NRP2: variants seen among roughly 807,000 people sequenced by gnomAD.
NRP2 encodes the protein neuropilin 2.
In NRP2, 52 loss-of-function variants were observed where a neutral mutation model predicts 110.4. The ratio of observed to expected loss-of-function variants is 0.47; its 90% CI spans 0.38 to 0.59. The LOEUF is 0.59. NRP2 is among the 20% of genes least tolerant of loss of function. The probability of loss-of-function intolerance (pLI) is 0.00; values close to 1 mark genes in which losing one functional copy is unlikely to be tolerated. For missense variants in NRP2, 1,049 were observed against 1,203.0 expected (o/e 0.87, Z 1.89); for synonymous variants, 508 against 468.9 (o/e 1.08, Z -1.08).
At chr2:205,689,306 T>A (rs544998925) in intron 1 of NRP2, among the ~76,000 whole-genome samples, 1 of 152,340 alleles carries the variant, frequency 6.6e-6, no homozygotes, top group Admixed American at 6.5e-5. Flanking sequence ...TGTGATCAGA[T>A]ACTTAGTCTA....
Position 205,727,982 on chromosome 2 carries a change from A to G in NRP2, c.1082A>G (p.Tyr361Cys). 1 of 1,614,178 alleles carries G rather than the reference A, an allele frequency of 6.2e-7. No homozygotes were observed. Among genetic ancestry groups the G allele is most frequent in the Non-Finnish European group, 8.5e-7 (1 of 1,180,028 alleles). The change falls in exon 7 of 17, where the codon TAC (tyrosine) becomes TGC (cysteine). Residue 361 changes from tyrosine (Y) to cysteine (C), a missense_variant. Coordinates refer to ENST00000357785, the MANE Select transcript of NRP2 (RefSeq NM_003872.3). ...CAGAATGGCTACTATGTCAAATCCT[A>G]CAAGCTGGAAGTCAGCACTAATGGA... ...ETQNGYYVKSYKLEVSTNGED... is the reference protein window; with the variant it reads ...ETQNGYYVKSCKLEVSTNGED...
chr2:205,782,909 G>T (rs1349864105), intron 15 of NRP2, among the ~76,000 whole-genome samples: 1 of 150,728 alleles, frequency 6.6e-6, no homozygotes, highest in Non-Finnish European at 1.5e-5. Context: ...CCTTGAAATT[G>T]CTTCTTTGGG....
At chr2:205,776,492 T>C (rs772301275) in intron 15 of NRP2, 2 of 1,609,768 alleles carry the variant, frequency 1.2e-6, no homozygotes, top group Admixed American at 3.3e-5. Flanking sequence ...ACCCTAACCA[T>C]TAAGCTAGAG....
intron 15 of NRP2, chr2:205,767,503 C>T (rs2057945325): frequency 8.2e-6 from 4 of 488,068 alleles, no homozygotes; most frequent in African/African-American, 5.9e-5. Flanking sequence ...TCAGAAAGGA[C>T]GTGTTCTCCC....
intron 4 of NRP2, among the ~76,000 whole-genome samples, chr2:205,723,366 G>A (rs553825345): frequency 9.2e-5 from 14 of 152,176 alleles, no homozygotes; most frequent in Non-Finnish European, 2.1e-4. Context: ...TAAGCAAAAA[G>A]AGCAATTTCA....
rs763602470 is a variant in NRP2 at position 205,725,881 on chromosome 2, C to A, written c.821-32C>A. On this transcript the variant is annotated intron_variant, in intron 5 of 16. Coordinates refer to ENST00000357785, the MANE Select transcript of NRP2 (RefSeq NM_003872.3). The surrounding 1 kb of genome is among the most constrained non-coding windows in gnomAD (Gnocchi z 4.1). ...GATCCCGAGGTATGAGGTTGGAAGG[C>A]CTAACTGCATTTGACCGTCTGCTTT... The A allele has an allele frequency of 3.7e-6, 6 of 1,612,780 alleles. No homozygotes were observed. Among genetic ancestry groups the A allele is most frequent in the Non-Finnish European group, 5.1e-6 (6 of 1,179,612 alleles).
At chr2:205,793,019 A>G (rs1451658095) in intron 16 of NRP2, among the ~76,000 whole-genome samples, 1 of 152,240 alleles carries the variant, frequency 6.6e-6, no homozygotes, top group Non-Finnish European at 1.5e-5. Context: ...GGAACAGTTT[A>G]TAGAGCAGCT....
chr2:205,708,547 G>A (rs951809065), intron 2 of NRP2, among the ~76,000 whole-genome samples: 215 of 152,324 alleles, frequency 1.4e-3, no homozygotes, highest in African/African-American at 4.6e-3. Context: ...CACGTCAGGA[G>A]GCATTCTTGG....
rs182866906 is a variant in NRP2, at chr2:205,755,513, A to C, written c.2044+2538A>C. 3.3e-3 allele frequency among the ~76,000 whole-genome samples: 501 copies of C among 150,784 alleles called. 1 individual carries two copies. Among genetic ancestry groups the C allele is most frequent in the Non-Finnish European group, 5.5e-3 (370 of 67,800 alleles). On this transcript the variant is annotated intron_variant, in intron 12 of 16. Transcript: ENST00000357785. ...TTATGAACCGTTCTCTGTATTTCCC[A>C]TTTTCCTTCTCCCTACAGAGCTTGA...
chr2:205,684,474 T>G (rs1479245361), intron 1 of NRP2, among the ~76,000 whole-genome samples: 1 of 152,194 alleles, frequency 6.6e-6, no homozygotes, highest in Admixed American at 6.5e-5. Flanking sequence ...GTGGTAGAGC[T>G]AACTCTGCAG....
chr2:205,749,225 G>A (rs997346866), intron 10 of NRP2, among the ~76,000 whole-genome samples: 8 of 152,238 alleles, frequency 5.3e-5, no homozygotes, highest in East Asian at 1.9e-4. Context: ...TCACAACCAC[G>A]TCTGCTTTCC....
At position 205,776,306 on chromosome 2, in the gene NRP2, C is replaced by A. The variant is rs770498081; in HGVS notation, c.2425+9503C>A. The A allele has an allele frequency of 2.5e-6, 4 of 1,613,264 alleles. No homozygotes were observed. In the Admixed American group the frequency reaches 6.7e-5, roughly 27 times the overall value. On this transcript the variant is annotated intron_variant, in intron 15 of 16. Transcript: ENST00000357785. ...GACACGGTGCCCATGCAGCCCATCCCAGCCTACTGGTATTACGTAATGGCC... is the reference window on the plus strand; with the variant it reads ...GACACGGTGCCCATGCAGCCCATCCAAGCCTACTGGTATTACGTAATGGCC...
intron 15 of NRP2, among the ~76,000 whole-genome samples, chr2:205,773,702 G>A (rs2058056892): frequency 6.6e-6 from 1 of 152,174 alleles, no homozygotes; most frequent in Non-Finnish European, 1.5e-5. Context: ...AAGAAACACT[G>A]TAAGAGAAAC....
intron 1 of NRP2, among the ~76,000 whole-genome samples, chr2:205,694,636 C>T (rs565221884): frequency 6.6e-6 from 1 of 152,308 alleles, no homozygotes; most frequent in South Asian, 2.1e-4. Context: ...CTTAGCTTGA[C>T]TCCTCTGAAA....
chr2:205,722,352 A>G (rs1199353385), intron 3 of NRP2, 126 bp from the exon 4 acceptor site: 7 of 767,876 alleles, frequency 9.1e-6, no homozygotes, highest in Non-Finnish European at 1.6e-5. Flanking sequence ...TTCAAGGGCC[A>G]CTCCAGTAGC....
intron 10 of NRP2, 87 bp downstream of exon 10, chr2:205,745,977 G>A: frequency 6.7e-7 from 1 of 1,490,336 alleles, no homozygotes; most frequent in Non-Finnish European, 9.3e-7. Flanking sequence ...GGCTGTGGAG[G>A]GGGCAGCCAT....
Position 205,725,214 on chromosome 2 carries a change from G to A in NRP2, c.821-699G>A, listed in dbSNP as rs1430977749. 6.6e-6 allele frequency among the ~76,000 whole-genome samples: 1 copy of A among 152,178 alleles called. No individual in the cohort carries two copies. Among genetic ancestry groups the A allele is most frequent in the Non-Finnish European group, 1.5e-5 (1 of 68,034 alleles). ...AGTGCAGTCACAGAGTAAAGAATAGGTTGATACCTGATAAGGATTGCTGGC... is the reference window on the plus strand; with the variant it reads ...AGTGCAGTCACAGAGTAAAGAATAGATTGATACCTGATAAGGATTGCTGGC... On this transcript the variant is annotated intron_variant, in intron 5 of 16. Transcript: ENST00000357785. The surrounding 1 kb of genome is among the most constrained non-coding windows in gnomAD (Gnocchi z 4.1).
At chr2:205,707,819 C>T (rs1056945388) in intron 2 of NRP2, among the ~76,000 whole-genome samples, 7 of 152,326 alleles carry the variant, frequency 4.6e-5, no homozygotes, top group African/African-American at 1.7e-4. Flanking sequence ...CCGGAGGGAA[C>T]TGTTCACCCT....
chr2:205,762,336 AG>A (rs1366759550), intron 12 of NRP2: 1 of 152,330 alleles, frequency 6.6e-6, no homozygotes, highest in African/African-American at 2.4e-5. Context: ...CAAGAAGGAA[AG>A]AGCTGTTTCT....
Sources: allele counts gnomAD v4.1 joint callset (sites outside exome capture counted in the v4.1 genomes callset), GRCh38; gene constraint gnomAD v4.1.1; non-coding constraint Gnocchi (gnomAD v3.1); transcripts MANE v1.5; gene names NCBI Gene and HGNC (gene_info 2026-07-23, HGNC 2026-07-21).